The following FRMD4A variants were observed in gnomAD, a reference collection of about 807,000 sequenced individuals.
FRMD4A encodes FERM domain-containing protein 4A.
FRMD4A carries 29 observed loss-of-function variants against 129.1 expected under a neutral mutation model. The observed-to-expected ratio is 0.22, with a 90% CI of 0.17 to 0.31. The LOEUF is 0.31. Among genes scored for constraint, FRMD4A ranks in the 10% least tolerant of loss-of-function variants. The probability of loss-of-function intolerance (pLI) is 1.00; values close to 1 mark genes in which losing one functional copy is unlikely to be tolerated. For synonymous variants in FRMD4A, 634 were observed against 571.6 expected (o/e 1.11, Z -1.56); for missense variants, 1,272 against 1,375.8 (o/e 0.92, Z 1.19).
chr10:14,145,440 G>A (rs1840029270), intron 2 of FRMD4A, among the ~76,000 whole-genome samples: 2 of 152,190 alleles, frequency 1.3e-5, no homozygotes, highest in Non-Finnish European at 2.9e-5. Context: ...AGAGGGCTGT[G>A]GACAATGACC....
intron 2 of FRMD4A, among the ~76,000 whole-genome samples, chr10:14,034,346 G>T (rs916992668): frequency 6.6e-6 from 1 of 152,160 alleles, no homozygotes; most frequent in Admixed American, 6.5e-5. Context: ...ATCCAGAGAC[G>T]CACGTCCCTG....
At chr10:13,661,024 T>C (rs1202926996) in intron 19 of FRMD4A, among the ~76,000 whole-genome samples, 4 of 152,158 alleles carry the variant, frequency 2.6e-5, no homozygotes, top group African/African-American at 7.2e-5. Context: ...TTGATAACCA[T>C]TGGTTGGAGA....
intron 2 of FRMD4A, among the ~76,000 whole-genome samples, chr10:14,159,028 G>C (rs1319527263): frequency 6.6e-6 from 1 of 152,198 alleles, no homozygotes; most frequent in African/African-American, 2.4e-5. Context: ...GTTGGCTTGG[G>C]TGCATGGATG....
intron 2 of FRMD4A, among the ~76,000 whole-genome samples, chr10:14,285,378 C>G (rs969084862): frequency 1.5e-4 from 23 of 152,222 alleles, no homozygotes; most frequent in African/African-American, 4.6e-4. Flanking sequence ...GTGAAAAACA[C>G]GAGCTTGAAA....
At chr10:14,140,234 G>A (rs1484886885) in intron 2 of FRMD4A, among the ~76,000 whole-genome samples, 6 of 151,986 alleles carry the variant, frequency 3.9e-5, no homozygotes, top group Admixed American at 6.6e-5. Context: ...GCTAATCTTC[G>A]TATTTTTTAG....
intron 15 of FRMD4A, among the ~76,000 whole-genome samples, chr10:13,681,570 G>A (rs1312702007): frequency 1.3e-5 from 2 of 148,300 alleles, no homozygotes; most frequent in Admixed American, 6.6e-5. Flanking sequence ...ATGTATATAT[G>A]TATATGTGTA....
At chr10:13,953,757 T>C (rs994789267) in intron 2 of FRMD4A, among the ~76,000 whole-genome samples, 1 of 152,236 alleles carries the variant, frequency 6.6e-6, no homozygotes. Context: ...ATGCCTAATT[T>C]ATAAATGAAA....
rs538550813 is a variant in FRMD4A, at chr10:13,930,239, A to G, written c.46-71327T>C. On this transcript the variant is annotated intron_variant, in intron 2 of 24. Coordinates refer to ENST00000357447, the MANE Select transcript of FRMD4A (RefSeq NM_018027.5). ...TCTGCACAGGACTGAATGAGGCTCTACCTCCTTCACTCACTACGCCCTGCT... is the reference window on the plus strand; with the variant it reads ...TCTGCACAGGACTGAATGAGGCTCTGCCTCCTTCACTCACTACGCCCTGCT... Among the ~76,000 whole-genome samples the G allele has an allele frequency of 9.2e-5, 14 of 152,220 alleles. No individual in the cohort carries two copies. The East Asian group carries it at 2.7e-3, about 29-fold the overall frequency.
intron 22 of FRMD4A, 160 bp from the exon 23 acceptor site, chr10:13,654,672 C>T (rs1240036044): frequency 1.7e-6 from 1 of 605,148 alleles, no homozygotes; most frequent in Middle Eastern, 4.4e-4. Context: ...ATCCCTATGG[C>T]ATGGTCACAG....
In FRMD4A at chr10:13,858,896, C is replaced by T. The variant is rs376872935; in HGVS notation, c.62G>A (p.Arg21Gln). Residue 21 changes from arginine to glutamine, a missense_variant, in exon 3 of 25, where the codon CGA (arginine) becomes CAA (glutamine). By Grantham distance (43) the Arg-to-Gln change is conservative (BLOSUM62 1). This residue lies in a region of FRMD4A where 300 missense variants were observed against 483.6 expected (regional missense o/e 0.62). Transcript: ENST00000357447. ...LGLLMMTEGR[R>Q]CQVHLLDDRK... ...GTCATCAAGAAGATGTACTTGACATCGGCGGCCCTCCGTCATCTAAGAGGG... is the reference window on the plus strand; with the variant it reads ...GTCATCAAGAAGATGTACTTGACATTGGCGGCCCTCCGTCATCTAAGAGGG... The T allele has an allele frequency of 3.7e-6, 6 of 1,601,202 alleles. No individual in the cohort carries two copies. The East Asian group carries it at 8.9e-5, about 24-fold the overall frequency.
At chr10:14,164,989 C>A (rs992847659) in intron 2 of FRMD4A, among the ~76,000 whole-genome samples, 3 of 152,252 alleles carry the variant, frequency 2.0e-5, no homozygotes, top group East Asian at 1.9e-4. Context: ...AGATTGGACA[C>A]CCCTGGATTA....
chr10:14,238,472 G>T (rs546699721), intron 2 of FRMD4A, among the ~76,000 whole-genome samples: 1 of 151,788 alleles, frequency 6.6e-6, no homozygotes, highest in Non-Finnish European at 1.5e-5. Context: ...ATCTTTTTCC[G>T]TTCCCCCTTC....
intron 3 of FRMD4A, among the ~76,000 whole-genome samples, chr10:13,842,130 G>A (rs1486952627): frequency 6.6e-6 from 1 of 152,180 alleles, no homozygotes; most frequent in Non-Finnish European, 1.5e-5. Flanking sequence ...AACACTTGAA[G>A]GCAGAGGGGT....
At chr10:14,312,190 A>T (rs186621056) in intron 2 of FRMD4A, among the ~76,000 whole-genome samples, 3 of 152,348 alleles carry the variant, frequency 2.0e-5, no homozygotes, top group Admixed American at 2.0e-4. Flanking sequence ...TTAAAAGGCC[A>T]TCTGCCTTTG....
At chr10:14,044,126 G>A (rs941899922) in intron 2 of FRMD4A, among the ~76,000 whole-genome samples, 1 of 152,188 alleles carries the variant, frequency 6.6e-6, no homozygotes, top group African/African-American at 2.4e-5. Context: ...ACTGTGTCCT[G>A]CCCTTTGGGT....
Position 14,188,344 on chromosome 10 carries a change from A to G in FRMD4A, c.45+141714T>C, listed in dbSNP as rs113012601. 8.2e-3 allele frequency among the ~76,000 whole-genome samples: 1,246 copies of G among 152,190 alleles called. 14 individuals carry two copies. The highest frequency in any genetic ancestry group is 0.028 in the African/African-American group (1,174 of 41,524). On this transcript the variant is annotated intron_variant, in intron 2 of 24. Transcript: ENST00000357447. The stretch of plus-strand genomic sequence containing the variant: ...TGAATGCTTCCCACTGAAATCCTAC[A>G]ATTGGGCACATAGCACTCCCTATTG...
At chr10:13,762,895 GA>G (rs2092130006) in intron 6 of FRMD4A, among the ~76,000 whole-genome samples, 2 of 152,276 alleles carry the variant, frequency 1.3e-5, no homozygotes, top group Admixed American at 1.3e-4. Context: ...TTTGGAGGCT[GA>G]GGTGGGAGGT....
rs1049780909 is a variant in FRMD4A at position 13,771,924 on chromosome 10, A to T, written c.385-9244T>A. On this transcript the variant is annotated intron_variant, in intron 6 of 24. Coordinates refer to ENST00000357447, the MANE Select transcript of FRMD4A (RefSeq NM_018027.5). ...GTGAAACCCTGTTTCACTTTGAAAC[A>T]AAACCAAACAAAACAAAACAAAACA... Among the ~76,000 whole-genome samples, 5 of 151,844 alleles carry T rather than the reference A, an allele frequency of 3.3e-5. No homozygotes were observed. The East Asian group carries it at 9.7e-4, about 29-fold the overall frequency.
chr10:14,090,071 G>A (rs1171306439), intron 2 of FRMD4A, among the ~76,000 whole-genome samples: 1 of 152,224 alleles, frequency 6.6e-6, no homozygotes, highest in African/African-American at 2.4e-5. Flanking sequence ...CTCTGCCGCA[G>A]GGGCAGATGG....
Sources: gnomAD v4.1 joint callset for allele counts (sites outside exome capture counted in the v4.1 genomes callset) on GRCh38, gnomAD v4.1.1 for gene constraint, gnomAD v4.1.1 regional missense constraint, MANE v1.5 for transcripts, NCBI Gene and HGNC (gene_info 2026-07-23, HGNC 2026-07-21) for gene names.